Variants in DIS3L2 observed in about 807,000 individuals in gnomAD.
DIS3L2 encodes the protein DIS3 like 3'-5' exoribonuclease 2, also known as DIS3-like exonuclease 2.
In DIS3L2, 34 loss-of-function variants were observed where a neutral mutation model predicts 97.5. The ratio of observed to expected loss-of-function variants is 0.35; its 90% CI spans 0.27 to 0.46. DIS3L2 has a LOEUF of 0.46. Among genes scored for constraint, DIS3L2 ranks in the 20% least tolerant of loss-of-function variants. The pLI, the probability that DIS3L2 is intolerant of heterozygous loss-of-function variation, is 1.00. For missense variants in DIS3L2, 1,038 were observed against 1,146.0 expected (o/e 0.91, Z 1.36); for synonymous variants, 435 against 445.2 (o/e 0.98, Z 0.29).
At chr2:232,213,080 T>C (rs926836695) in intron 10 of DIS3L2, among the ~76,000 whole-genome samples, 19 of 152,130 alleles carry the variant, frequency 1.2e-4, no homozygotes, top group African/African-American at 4.6e-4. Flanking sequence ...ATAGATGCAG[T>C]CCGTGGAACT....
chr2:232,176,390 T>C (rs1284683991), intron 9 of DIS3L2, among the ~76,000 whole-genome samples: 1 of 152,196 alleles, frequency 6.6e-6, no homozygotes, highest in Non-Finnish European at 1.5e-5. Context: ...TCAATTTTGT[T>C]GATCTTTTCA....
chr2:232,116,860 C>G (rs1432313661), intron 6 of DIS3L2, among the ~76,000 whole-genome samples: 1 of 152,092 alleles, frequency 6.6e-6, no homozygotes, highest in East Asian at 1.9e-4. Context: ...ACAACAAAAA[C>G]CCCACCCAAC....
At chr2:231,986,024 T>C (rs1348017331) in intron 1 of DIS3L2, among the ~76,000 whole-genome samples, 2 of 152,232 alleles carry the variant, frequency 1.3e-5, no homozygotes, top group Non-Finnish European at 2.9e-5. Flanking sequence ...TTTTTGCCCA[T>C]GCTGGATGCT....
intron 1 of DIS3L2, among the ~76,000 whole-genome samples, chr2:231,993,672 A>G (rs116603296): frequency 0.018 from 2,752 of 152,198 alleles, 86 homozygotes; most frequent in African/African-American, 0.062. Context: ...AATGTCTTTC[A>G]TTAAAATGAA....
intron 5 of DIS3L2, among the ~76,000 whole-genome samples, chr2:232,067,392 C>T (rs999310041): frequency 6.6e-6 from 1 of 151,954 alleles, no homozygotes; most frequent in Admixed American, 6.6e-5. Flanking sequence ...TTCTTTGACC[C>T]ATTCTTTATT....
intron 1 of DIS3L2, among the ~76,000 whole-genome samples, chr2:232,004,925 G>A (rs1443830158): frequency 6.6e-6 from 1 of 152,112 alleles, no homozygotes; most frequent in Non-Finnish European, 1.5e-5. Context: ...TCTGTTGAGA[G>A]TTTCAATCTC....
downstream of DIS3L2, chr2:232,337,224 G>A: frequency 2.2e-6 from 2 of 899,954 alleles, no homozygotes; most frequent in Non-Finnish European, 2.6e-6. Context: ...CCTGACGAAT[G>A]TGACTGTGTC....
At chr2:232,218,297 A>G (rs1574952374) in intron 10 of DIS3L2, among the ~76,000 whole-genome samples, 1 of 152,242 alleles carries the variant, frequency 6.6e-6, no homozygotes, top group Non-Finnish European at 1.5e-5. Context: ...CACAGATAGT[A>G]TAGAGAACTG....
intron 6 of DIS3L2, among the ~76,000 whole-genome samples, chr2:232,121,702 G>A (rs907355276): frequency 6.6e-6 from 1 of 152,090 alleles, no homozygotes; most frequent in Non-Finnish European, 1.5e-5. Context: ...AACCCCAGAG[G>A]CTCCGAGTCT....
At chr2:232,248,847 A>T (rs1305561886) in intron 11 of DIS3L2, among the ~76,000 whole-genome samples, 2 of 152,202 alleles carry the variant, frequency 1.3e-5, no homozygotes, top group African/African-American at 4.8e-5. Flanking sequence ...CTTTAACAAA[A>T]CCCTGTCCAG....
chr2:232,295,421 T>C (rs973814567), intron 13 of DIS3L2, among the ~76,000 whole-genome samples: 26 of 152,242 alleles, frequency 1.7e-4, no homozygotes, highest in African/African-American at 5.8e-4. Context: ...TCTTCCTTCC[T>C]CTTGCAGCCA....
chr2:232,066,890 T>G (rs940748330), intron 5 of DIS3L2, among the ~76,000 whole-genome samples: 1 of 152,128 alleles, frequency 6.6e-6, no homozygotes, highest in African/African-American at 2.4e-5. Context: ...ACTTATTCAT[T>G]TCATCTAATT....
chr2:232,098,613 C>G (rs529642770), intron 6 of DIS3L2, among the ~76,000 whole-genome samples: 181 of 152,296 alleles, frequency 1.2e-3, no homozygotes, highest in Non-Finnish European at 2.2e-3. Flanking sequence ...CTTGGCCTCC[C>G]AAAGTGCTGG....
intron 3 of DIS3L2, among the ~76,000 whole-genome samples, chr2:232,017,113 A>G: frequency 6.6e-6 from 1 of 151,840 alleles, no homozygotes; most frequent in Non-Finnish European, 1.5e-5. Context: ...ATTTTTTGAG[A>G]AAGTCTCACT....
At chr2:232,008,022 T>C (rs527638587) in intron 1 of DIS3L2, among the ~76,000 whole-genome samples, 30 of 152,186 alleles carry the variant, frequency 2.0e-4, no homozygotes, top group African/African-American at 7.2e-4. Context: ...TACTTTTTTT[T>C]TGGAGACAGG....
intron 1 of DIS3L2, among the ~76,000 whole-genome samples, chr2:232,008,797 G>A (rs1373980447): frequency 6.6e-6 from 1 of 152,216 alleles, no homozygotes; most frequent in Non-Finnish European, 1.5e-5. Context: ...CAAAAGGGGA[G>A]AAGTGAGGTG....
At chr2:232,234,772 G>A (rs1172981419) in intron 10 of DIS3L2, among the ~76,000 whole-genome samples, 1 of 152,172 alleles carries the variant, frequency 6.6e-6, no homozygotes. Context: ...GTATGTATGA[G>A]CCCCATTAGA....
chr2:232,251,471 CCAAGATATA>C (rs1200912997), intron 12 of DIS3L2, among the ~76,000 whole-genome samples: 1 of 152,092 alleles, frequency 6.6e-6, no homozygotes, highest in African/African-American at 2.4e-5. Context: ...GAAGACTAGT[CCAAGATATA>C]CAATATCTGT....
chr2:232,136,191 T>A (rs1698354056), intron 7 of DIS3L2, among the ~76,000 whole-genome samples: 1 of 152,134 alleles, frequency 6.6e-6, no homozygotes, highest in African/African-American at 2.4e-5. Flanking sequence ...CCTGCTGGAG[T>A]CCCACATGTC....
Sources: gnomAD v4.1 joint callset for allele counts (sites outside exome capture counted in the v4.1 genomes callset) on GRCh38, gnomAD v4.1.1 for gene constraint, MANE v1.5 for transcripts, NCBI Gene and HGNC (gene_info 2026-07-23, HGNC 2026-07-21) for gene names.